RAB28: variants seen among roughly 807,000 people sequenced by gnomAD.
RAB28 encodes the protein ras-related protein Rab-28.
A neutral mutation model predicts 31.7 loss-of-function variants in RAB28; 24 were observed. The observed-to-expected ratio is 0.76, with a 90% CI of 0.55 to 1.06. The LOEUF is 1.06. Ranked by LOEUF, RAB28 falls within the 50% of genes least tolerant of loss-of-function variation. The probability of loss-of-function intolerance (pLI) is 0.00; values close to 1 mark genes in which losing one functional copy is unlikely to be tolerated. For synonymous variants in RAB28, 100 were observed against 90.4 expected (o/e 1.11, Z -0.60); for missense variants, 254 against 258.5 (o/e 0.98, Z 0.12).
At chr4:13,483,512 T>G (rs1007165869) in intron 1 of RAB28, among the ~76,000 whole-genome samples, 1 of 152,240 alleles carries the variant, frequency 6.6e-6, no homozygotes, top group Non-Finnish European at 1.5e-5. Context: ...TTTTCACATT[T>G]AATATGTATT....
intron 4 of RAB28, among the ~76,000 whole-genome samples, chr4:13,383,448 G>A (rs1373101850): frequency 3.3e-5 from 5 of 151,724 alleles, no homozygotes; most frequent in Non-Finnish European, 7.4e-5. Context: ...ATATAACCAT[G>A]GAAAGACTAG....
chr4:13,381,714 AC>A, intron 4 of RAB28, 120 bp from the exon 5 acceptor site: 1 of 639,584 alleles, frequency 1.6e-6, no homozygotes. Flanking sequence ...CAGCTGTGCA[AC>A]CTTGGACAAT....
intron 4 of RAB28, among the ~76,000 whole-genome samples, chr4:13,458,751 T>G (rs540529361): frequency 2.6e-5 from 4 of 152,360 alleles, no homozygotes; most frequent in South Asian, 4.1e-4. Context: ...CTCACCATTG[T>G]GTTATAACTG....
intron 4 of RAB28, among the ~76,000 whole-genome samples, chr4:13,431,841 T>C (rs1713822892): frequency 6.6e-6 from 1 of 151,530 alleles, no homozygotes; most frequent in South Asian, 2.1e-4. Context: ...CGACAATACC[T>C]CAGATGAGAA....
chr4:13,444,842 T>G (rs980200106), intron 4 of RAB28, among the ~76,000 whole-genome samples: 5 of 152,158 alleles, frequency 3.3e-5, no homozygotes, highest in African/African-American at 1.2e-4. Context: ...CTTTTATCTC[T>G]AGACCTCATG....
At chr4:13,420,348 A>G (rs1489334718) in intron 4 of RAB28, among the ~76,000 whole-genome samples, 2 of 152,136 alleles carry the variant, frequency 1.3e-5, no homozygotes, top group Non-Finnish European at 2.9e-5. Flanking sequence ...GCTGATACCA[A>G]TCCTTCTGAA....
At chr4:13,459,412 C>T (rs539691379) in intron 4 of RAB28, among the ~76,000 whole-genome samples, 4 of 152,306 alleles carry the variant, frequency 2.6e-5, no homozygotes, top group Admixed American at 2.6e-4. Context: ...AATATATACT[C>T]TATAACGTTC....
chr4:13,462,028 AT>A (rs1274878030), intron 3 of RAB28, among the ~76,000 whole-genome samples: 1 of 152,214 alleles, frequency 6.6e-6, no homozygotes, highest in Non-Finnish European at 1.5e-5. Context: ...AATTAAAAAC[AT>A]TTGTCTGTCA....
chr4:13,394,107 A>G (rs562343785), intron 4 of RAB28, among the ~76,000 whole-genome samples: 2 of 152,288 alleles, frequency 1.3e-5, no homozygotes, highest in South Asian at 4.2e-4. Context: ...AGGCGACCAG[A>G]TAAGAGAGTA....
At chr4:13,392,980 A>G (rs1560274377) in intron 4 of RAB28, among the ~76,000 whole-genome samples, 2 of 152,212 alleles carry the variant, frequency 1.3e-5, no homozygotes, top group African/African-American at 4.8e-5. Flanking sequence ...AGCAAGACAT[A>G]TTGTATGTGC....
chr4:13,480,448 GT>G, intron 1 of RAB28, among the ~76,000 whole-genome samples: 1 of 151,834 alleles, frequency 6.6e-6, no homozygotes, highest in East Asian at 1.9e-4. Context: ...GAAAATAGCC[GT>G]TTTTTATTTT....
chr4:13,388,075 T>A (rs1020605814), intron 4 of RAB28, among the ~76,000 whole-genome samples: 2 of 152,188 alleles, frequency 1.3e-5, no homozygotes, highest in Middle Eastern at 3.4e-3. Flanking sequence ...CGTGGTGTTA[T>A]TCTAACATCT....
rs1262789325 is a variant in RAB28 at position 13,384,806 on chromosome 4, A to G, written c.392-3212T>C. 2.6e-5 allele frequency among the ~76,000 whole-genome samples: 4 copies of G among 152,228 alleles called. No individual in the cohort carries two copies. In the East Asian group the frequency reaches 7.7e-4, roughly 29 times the overall value. On this transcript the variant is annotated intron_variant, in intron 4 of 6. Transcript: ENST00000330852. The stretch of plus-strand genomic sequence containing the variant: ...CTCTAACAACTCAAAAAGCCAGAGT[A>G]CCTTCTTTCCTCTAAATGACGGCAC...
intron 4 of RAB28, among the ~76,000 whole-genome samples, chr4:13,390,081 A>G (rs1193806358): frequency 1.3e-5 from 2 of 152,218 alleles, no homozygotes; most frequent in Non-Finnish European, 2.9e-5. Context: ...AGAAAGAAAT[A>G]TAAGGTATTA....
Position 13,373,086 on chromosome 4 carries a change from T to A in RAB28, c.573+3459A>T, listed in dbSNP as rs191271899. Among the ~76,000 whole-genome samples the A allele has an allele frequency of 1.2e-3, 185 of 152,216 alleles. 2 individuals are homozygous for A. The highest frequency in any genetic ancestry group is 4.3e-3 in the African/African-American group (177 of 41,542). ...TGAGGCTTAAAAATGTATTAAGAAT[T>A]CTTAACACCAAGTAGATATGGCAAA... is the stretch of plus-strand genomic sequence containing the variant. On this transcript the variant is annotated intron_variant, in intron 6 of 6. Transcript: ENST00000330852.
intron 4 of RAB28, among the ~76,000 whole-genome samples, chr4:13,459,317 T>C (rs1012731690): frequency 6.6e-6 from 1 of 152,198 alleles, no homozygotes; most frequent in African/African-American, 2.4e-5. Context: ...GACTTTACCT[T>C]GTGATCATGT....
chr4:13,451,618 C>G (rs1157169109), intron 4 of RAB28, among the ~76,000 whole-genome samples: 1 of 151,438 alleles, frequency 6.6e-6, no homozygotes, highest in Non-Finnish European at 1.5e-5. Flanking sequence ...CTTTTGTTGC[C>G]TATGTTTGTG....
At chr4:13,395,755 G>C (rs1024593898) in intron 4 of RAB28, among the ~76,000 whole-genome samples, 2 of 152,072 alleles carry the variant, frequency 1.3e-5, no homozygotes, top group Non-Finnish European at 2.9e-5. Context: ...ACAGATCAGA[G>C]CTACTGATCA....
At chr4:13,440,849 A>G (rs539323152) in intron 4 of RAB28, among the ~76,000 whole-genome samples, 38 of 152,222 alleles carry the variant, frequency 2.5e-4, no homozygotes, top group African/African-American at 8.9e-4. Context: ...TAAGGACACG[A>G]CACATGCACA....
Sources: gnomAD v4.1 joint callset for allele counts (sites outside exome capture counted in the v4.1 genomes callset) on GRCh38, gnomAD v4.1.1 for gene constraint, MANE v1.5 for transcripts, NCBI Gene and HGNC (gene_info 2026-07-23, HGNC 2026-07-21) for gene names.